The following ZFAT variants were observed in gnomAD, a reference collection of about 807,000 sequenced individuals.
ZFAT encodes the protein zinc finger and AT-hook domain containing.
ZFAT carries 64 observed loss-of-function variants against 117.7 expected under a neutral mutation model. That is an observed-to-expected ratio of 0.54 (90% CI 0.44 to 0.67). The LOEUF (loss-of-function observed/expected upper bound fraction) is 0.67, where lower values mean the gene tolerates loss of function less well. Among genes scored for constraint, ZFAT ranks in the 30% least tolerant of loss-of-function variants. ZFAT has a pLI of 0.00. For missense variants in ZFAT, 1,433 were observed against 1,584.5 expected (o/e 0.90, Z 1.62); for synonymous variants, 679 against 615.0 (o/e 1.10, Z -1.54).
the ZFAT span, chr8:134,797,323 CTG>C: frequency 2.0e-5 from 3 of 152,030 alleles, no homozygotes; most frequent in Non-Finnish European, 4.4e-5. Flanking sequence ...ATAAAAGTAA[CTG>C]TATACCTTTT....
rs141203740 is a variant in ZFAT at position 134,682,676 on chromosome 8, T to A, written c.20-24939A>T. Among the ~76,000 whole-genome samples, 1,186 of 152,122 alleles carry A rather than the reference T, an allele frequency of 7.8e-3. 5 individuals are homozygous for A. The highest frequency in any genetic ancestry group is 0.016 in the African/African-American group (650 of 41,504). ...TCTCAAAAATAAAATAAAATTAAATTAAATTAAATTAAAAAGTCTTTGAAT... is the reference window on the plus strand; with the variant it reads ...TCTCAAAAATAAAATAAAATTAAATAAAATTAAATTAAAAAGTCTTTGAAT... On this transcript the variant is annotated intron_variant, in intron 1 of 15. Coordinates refer to ENST00000377838, the MANE Select transcript of ZFAT (RefSeq NM_020863.4).
At chr8:134,763,287 C>T in the ZFAT span, among the ~76,000 whole-genome samples, 2 of 152,178 alleles carry the variant, frequency 1.3e-5, no homozygotes, top group East Asian at 3.8e-4. Flanking sequence ...GAATTCACCT[C>T]CTGTTACACT....
At chr8:134,687,023 TG>T (rs774069380) in intron 1 of ZFAT, among the ~76,000 whole-genome samples, 18 of 152,206 alleles carry the variant, frequency 1.2e-4, no homozygotes, top group Admixed American at 3.3e-4. Flanking sequence ...AGCAAGGGTG[TG>T]GGGCAGACCC....
intron 3 of ZFAT, among the ~76,000 whole-genome samples, chr8:134,612,595 G>A (rs1306778951): frequency 1.3e-5 from 2 of 152,136 alleles, no homozygotes; most frequent in Non-Finnish European, 2.9e-5. Flanking sequence ...TTTGGTGTTC[G>A]TCCCACAATC....
At chr8:134,755,331 T>C in the ZFAT span, among the ~76,000 whole-genome samples, 1 of 149,950 alleles carries the variant, frequency 6.7e-6, no homozygotes, top group East Asian at 2.0e-4. Context: ...GAGAAATGCT[T>C]GAACCTGGGA....
chr8:134,522,303 C>G (rs537489352), intron 12 of ZFAT, among the ~76,000 whole-genome samples: 4 of 152,356 alleles, frequency 2.6e-5, no homozygotes, highest in South Asian at 2.1e-4. Context: ...GCCCTCTCCA[C>G]TTAAATACTG....
At chr8:134,723,021 A>G in the ZFAT span, 1 of 152,358 alleles carries the variant, frequency 6.6e-6, no homozygotes, top group African/African-American at 2.4e-5. Context: ...CTCAGAATGA[A>G]CCCAACCCTG....
At chr8:134,562,432 A>G (rs1280335483) in intron 11 of ZFAT, among the ~76,000 whole-genome samples, 1 of 152,212 alleles carries the variant, frequency 6.6e-6, no homozygotes. Context: ...ACAGGGAGAG[A>G]GTGATTATCA....
chr8:134,540,645 C>T (rs1408640002), intron 11 of ZFAT, among the ~76,000 whole-genome samples: 1 of 152,186 alleles, frequency 6.6e-6, no homozygotes, highest in East Asian at 1.9e-4. Flanking sequence ...ACATCAACTG[C>T]CCCGGACTCA....
At chr8:134,749,128 T>C in the ZFAT span, among the ~76,000 whole-genome samples, 1 of 152,216 alleles carries the variant, frequency 6.6e-6, no homozygotes, top group African/African-American at 2.4e-5. Context: ...TTTTGAAGAA[T>C]GGAAATTTTA....
chr8:134,509,056 G>A (rs1586609869), intron 15 of ZFAT, among the ~76,000 whole-genome samples: 1 of 152,286 alleles, frequency 6.6e-6, no homozygotes, highest in East Asian at 1.9e-4. Context: ...TTTAACAGAT[G>A]GTGAAGTCTC....
the ZFAT span, among the ~76,000 whole-genome samples, chr8:134,755,108 C>T: frequency 2.0e-5 from 3 of 151,780 alleles, no homozygotes; most frequent in African/African-American, 7.3e-5. Flanking sequence ...TTTTTTATTT[C>T]AATAGCTTTT....
chr8:134,601,940 A>T lies in ZFAT; in HGVS notation c.1779T>A (p.Val593=). The T allele has an allele frequency of 6.2e-7, 1 of 1,614,060 alleles. No individual in the cohort carries two copies. Among genetic ancestry groups the T allele is most frequent in the South Asian group, 1.1e-5 (1 of 91,068 alleles). Residue 593 remains valine, a synonymous_variant, in exon 6 of 16, where the codon GTT becomes GTA. Coordinates refer to ENST00000377838, the MANE Select transcript of ZFAT (RefSeq NM_020863.4). ...SSSDLHSQEV[V]SDDFLLKNDT... The stretch of plus-strand genomic sequence containing the variant: ...CATTTTTCAACAAAAAATCATCTGA[A>T]ACCACCTCTTGAGAATGCAGGTCTG...
chr8:134,715,927 AAAG>A (rs1330766386), upstream of ZFAT, among the ~76,000 whole-genome samples: 1 of 152,154 alleles, frequency 6.6e-6, no homozygotes, highest in Non-Finnish European at 1.5e-5. Flanking sequence ...TGCTTTCTTG[AAAG>A]AAGGTTTTGA....
chr8:134,523,670 G>A lies in ZFAT; in HGVS notation c.3116-2669C>T, dbSNP rs143760772. 2.3e-3 allele frequency among the ~76,000 whole-genome samples: 354 copies of A among 152,148 alleles called. 2 individuals are homozygous for A. Among genetic ancestry groups the A allele is most frequent in the African/African-American group, 7.8e-3 (324 of 41,502 alleles). ...CTCCTCCCTGTGGCTGGCAAGTCCC[G>A]CCTCCCTCCCTCTCGCCTTCATTCT... On this transcript the variant is annotated intron_variant, in intron 12 of 15. Coordinates refer to ENST00000377838, the MANE Select transcript of ZFAT (RefSeq NM_020863.4).
intron 7 of ZFAT, chr8:134,599,698 T>A (rs967533042): frequency 1.4e-5 from 6 of 438,942 alleles, no homozygotes; most frequent in Non-Finnish European, 2.7e-5. Context: ...GTCTGTAGCA[T>A]AAAAAGGCAT....
At chr8:134,679,521 C>T (rs550995844) in intron 1 of ZFAT, among the ~76,000 whole-genome samples, 20 of 152,298 alleles carry the variant, frequency 1.3e-4, no homozygotes, top group African/African-American at 4.1e-4. Context: ...TTGCGGAAGA[C>T]GGTGTGGCGA....
chr8:134,798,695 A>C, the ZFAT span, among the ~76,000 whole-genome samples: 24 of 152,274 alleles, frequency 1.6e-4, no homozygotes, highest in Admixed American at 2.6e-4. Flanking sequence ...GAATGTATGT[A>C]ATATAAAGAT....
intron 14 of ZFAT, chr8:134,511,125 G>A (rs1258684225): frequency 6.6e-6 from 1 of 152,354 alleles, no homozygotes; most frequent in Non-Finnish European, 1.5e-5. Flanking sequence ...ACAGTGACAA[G>A]GCCAGGCAGG....
Sources: gnomAD v4.1 joint callset for allele counts (sites outside exome capture counted in the v4.1 genomes callset) on GRCh38, gnomAD v4.1.1 for gene constraint, MANE v1.5 for transcripts, NCBI Gene and HGNC (gene_info 2026-07-23, HGNC 2026-07-21) for gene names.